Variants in TEC observed in about 807,000 individuals in gnomAD.
The protein encoded by TEC is tyrosine-protein kinase Tec.
In TEC, 72 loss-of-function variants were observed where a neutral mutation model predicts 93.0. The observed-to-expected ratio is 0.77, with a 90% confidence interval of 0.64 to 0.94. The LOEUF (loss-of-function observed/expected upper bound fraction) is 0.94. Ranked by LOEUF, TEC falls within the 40% of genes least tolerant of loss-of-function variation. TEC has a pLI of 0.00. For missense variants in TEC, 630 were observed against 757.9 expected (o/e 0.83, Z 1.98); for synonymous variants, 249 against 247.7 (o/e 1.01, Z -0.05).
At chr4:48,252,294 T>C (rs146171404) in intron 1 of TEC, among the ~76,000 whole-genome samples, 2 of 152,238 alleles carry the variant, frequency 1.3e-5, no homozygotes, top group Admixed American at 6.5e-5. Flanking sequence ...ATAGTGGTAG[T>C]GGTGGTGGTG....
Position 48,253,530 on chromosome 4 carries a change from G to C in TEC, c.-46+16222C>G, listed in dbSNP as rs190272348. 5.6e-3 allele frequency among the ~76,000 whole-genome samples: 838 copies of C among 150,954 alleles called. 9 individuals carry two copies. Among genetic ancestry groups the C allele is most frequent in the African/African-American group, 0.019 (796 of 41,086 alleles). ...CATTCTTCCACCTGCATACTCCTTAGGGTCATTCCTCAATCCTAAATAAAT... is the reference window on the plus strand; with the variant it reads ...CATTCTTCCACCTGCATACTCCTTACGGTCATTCCTCAATCCTAAATAAAT... On this transcript the variant is annotated intron_variant, in intron 1 of 17. Coordinates refer to ENST00000381501, the MANE Select transcript of TEC (RefSeq NM_003215.3).
At chr4:48,260,950 C>T (rs1724483644) in intron 1 of TEC, among the ~76,000 whole-genome samples, 1 of 152,114 alleles carries the variant, frequency 6.6e-6, no homozygotes, top group Admixed American at 6.5e-5. Flanking sequence ...TTGTTTACAT[C>T]TTCTAACAAG....
chr4:48,212,110 A>AAAAAAATAT, intron 2 of TEC, among the ~76,000 whole-genome samples: 94 of 122,240 alleles, frequency 7.7e-4, no homozygotes, highest in African/African-American at 9.5e-4. Context: ...AAAAAAAAAA[A>AAAAAAATAT]ATATATATAT....
chr4:48,171,938 C>G (rs1304613057), intron 3 of TEC, among the ~76,000 whole-genome samples: 1 of 152,204 alleles, frequency 6.6e-6, no homozygotes, highest in Non-Finnish European at 1.5e-5. Flanking sequence ...ACGAGTTTTT[C>G]TATTTTATAA....
At chr4:48,189,458 T>C (rs1016966312) in intron 2 of TEC, among the ~76,000 whole-genome samples, 4 of 152,154 alleles carry the variant, frequency 2.6e-5, no homozygotes, top group African/African-American at 9.6e-5. Context: ...CCAAAATGCC[T>C]ACTTATTCCC....
intron 2 of TEC, among the ~76,000 whole-genome samples, chr4:48,209,439 A>C (rs1278984453): frequency 1.3e-5 from 2 of 150,966 alleles, no homozygotes; most frequent in Non-Finnish European, 3.0e-5. Context: ...TCATCTCTAC[A>C]AAAAAAAATT....
chr4:48,262,611 C>T (rs1724526729), intron 1 of TEC, among the ~76,000 whole-genome samples: 1 of 152,066 alleles, frequency 6.6e-6, no homozygotes, highest in Non-Finnish European at 1.5e-5. Flanking sequence ...TCTGTGAAGA[C>T]CCAGTACATT....
At chr4:48,211,511 A>C (rs1391933902) in intron 2 of TEC, among the ~76,000 whole-genome samples, 1 of 152,232 alleles carries the variant, frequency 6.6e-6, no homozygotes, top group Non-Finnish European at 1.5e-5. Flanking sequence ...TTGTACTACA[A>C]TCAGTCCTAG....
chr4:48,141,514 T>C, intron 14 of TEC, 95 bp from the exon 15 acceptor site: 1 of 1,241,820 alleles, frequency 8.1e-7, no homozygotes, highest in Non-Finnish European at 1.2e-6. Flanking sequence ...TAGTGTAACC[T>C]AGTCAACATT....
intron 4 of TEC, 75 bp from the exon 5 acceptor site, chr4:48,170,451 G>A (rs562302393): frequency 9.8e-6 from 10 of 1,016,858 alleles, no homozygotes; most frequent in East Asian, 7.8e-5. Context: ...TAACAGTGTC[G>A]ATCATTACTT....
chr4:48,149,265 T>A (rs1720057837), intron 11 of TEC, among the ~76,000 whole-genome samples: 1 of 152,190 alleles, frequency 6.6e-6, no homozygotes, highest in Non-Finnish European at 1.5e-5. Flanking sequence ...TCTTCCACAA[T>A]GGCGGAACTA....
At chr4:48,235,656 A>G (rs1454681799) in intron 1 of TEC, among the ~76,000 whole-genome samples, 1 of 152,226 alleles carries the variant, frequency 6.6e-6, no homozygotes, top group Non-Finnish European at 1.5e-5. Context: ...GGTCAATCTA[A>G]TAACCTTTTG....
intron 2 of TEC, among the ~76,000 whole-genome samples, chr4:48,179,357 TA>T (rs1721473699): frequency 1.3e-4 from 5 of 38,814 alleles, no homozygotes; most frequent in South Asian, 1.1e-3. Flanking sequence ...TATATATATA[TA>T]TATATATATA....
chr4:48,191,948 T>A (rs1034409081), intron 2 of TEC, among the ~76,000 whole-genome samples: 1 of 152,084 alleles, frequency 6.6e-6, no homozygotes, highest in Non-Finnish European at 1.5e-5. Context: ...GATATGCAGG[T>A]GAAGTCTAAC....
chr4:48,186,351 C>T (rs1456209572), intron 2 of TEC, among the ~76,000 whole-genome samples: 15 of 151,796 alleles, frequency 9.9e-5, no homozygotes, highest in African/African-American at 3.1e-4. Flanking sequence ...CTCTGACCAG[C>T]CGCCCAGTCT....
intron 1 of TEC, among the ~76,000 whole-genome samples, chr4:48,262,201 C>CTGTTTTTTTTTTTTT (rs1724513091): frequency 1.2e-5 from 1 of 80,208 alleles, no homozygotes. Context: ...CCAAATGTCT[C>CTGTTTTTTTTTTTTT]TTTTTTTTTT....
At chr4:48,236,312 CGCTCTGTCGCCCAGACTGG>C (rs1723782819) in intron 1 of TEC, among the ~76,000 whole-genome samples, 2 of 151,628 alleles carry the variant, frequency 1.3e-5, no homozygotes, top group Admixed American at 6.6e-5. Flanking sequence ...GACGGAGTCT[CGCTCTGTCGCCCAGACTGG>C]AGTGCAGTGG....
chr4:48,259,028 A>G (rs1476068066), intron 1 of TEC, among the ~76,000 whole-genome samples: 2 of 152,224 alleles, frequency 1.3e-5, no homozygotes, highest in Non-Finnish European at 2.9e-5. Context: ...ATTATCTTCT[A>G]TGAGGCTCTC....
Position 48,228,538 on chromosome 4 carries a change from T to C in TEC, c.77A>G (p.Tyr26Cys), listed in dbSNP as rs769256758. Residue 26 changes from tyrosine to cysteine, a missense_variant, in exon 2 of 18, where the codon TAC becomes TGC. Tyr to Cys is a radical substitution (Grantham distance 194). Transcript: ENST00000381501. ...QQKKKTSPLN[Y>C]KERLFVLTKS... ...TGTAAGTACAAAAAGTCTCTCTTTGTAGTTTAAGGGCGATGTCTTCTTTTT... is the reference window on the plus strand; with the variant it reads ...TGTAAGTACAAAAAGTCTCTCTTTGCAGTTTAAGGGCGATGTCTTCTTTTT... 3 of 1,613,788 alleles carry C rather than the reference T, an allele frequency of 1.9e-6. No individual in the cohort carries two copies. Among genetic ancestry groups the C allele is most frequent in the Admixed American group, 1.7e-5 (1 of 59,998 alleles).
Sources: gnomAD v4.1 joint callset for allele counts (sites outside exome capture counted in the v4.1 genomes callset) on GRCh38, gnomAD v4.1.1 for gene constraint, MANE v1.5 for transcripts, NCBI Gene and HGNC (gene_info 2026-07-23, HGNC 2026-07-21) for gene names.